The following CH25H variants were observed in gnomAD, a reference collection of about 807,000 sequenced individuals.
CH25H encodes the protein cholesterol 25-monooxygenase.
A neutral mutation model predicts 16.6 loss-of-function variants in CH25H; 10 were observed. The ratio of observed to expected loss-of-function variants is 0.60; its 90% CI spans 0.37 to 1.02. CH25H has a LOEUF of 1.02. CH25H is among the 50% of genes least tolerant of loss of function. CH25H has a pLI of 0.01. For synonymous variants in CH25H, 178 were observed against 158.8 expected (o/e 1.12, Z -0.91); for missense variants, 326 against 344.7 (o/e 0.95, Z 0.43).
Position 89,206,446 on chromosome 10 carries a change from A to G in CH25H, c.*28T>C. 6.4e-7 allele frequency: 1 copy of G among 1,557,544 alleles called. No individual in the cohort carries two copies. The highest frequency in any genetic ancestry group is 2.3e-5 in the East Asian group (1 of 43,574). ...AAGTGTGAAAGGCACAGCAGTCCCG[A>G]GTCTTAGGGGCACCCACCGCAGCCA... On this transcript the variant is annotated 3_prime_UTR_variant, in exon 1 of 1. Coordinates refer to ENST00000371852, the MANE Select transcript of CH25H (RefSeq NM_003956.4).
At position 89,205,987 on chromosome 10, in the gene CH25H, T is replaced by G. The variant is rs1281684642; in HGVS notation, c.*487A>C. ...TTTTTAAAGCACGAATAACATTTCT[T>G]TCAAAATAAATATACAGTTCTATAA... On this transcript the variant is annotated 3_prime_UTR_variant, in exon 1 of 1. Transcript: ENST00000371852. 1.3e-5 allele frequency: 2 copies of G among 153,118 alleles called. No individual in the cohort carries two copies. The highest frequency in any genetic ancestry group is 2.9e-5 in the Non-Finnish European group (2 of 68,654). The allele number at this position is 153,118 out of a possible 1,614,324, so 9.5% of individuals were successfully genotyped here.
Position 89,207,041 on chromosome 10 carries a change from C to T in CH25H, c.252G>A (p.Leu84=). ...HPDFSPSAQQ[L]LPCLGQTLYQ... ...AGAGGGTCTGCCCCAGGCAAGGTAGCAGCTGCTGCGCGGATGGCGAGAAGT... is the reference window on the plus strand; with the variant it reads ...AGAGGGTCTGCCCCAGGCAAGGTAGTAGCTGCTGCGCGGATGGCGAGAAGT... Residue 84 remains leucine, a synonymous_variant, in exon 1 of 1, where the codon CTG becomes CTA. Coordinates refer to ENST00000371852, the MANE Select transcript of CH25H (RefSeq NM_003956.4). 1 of 1,614,106 alleles carries T rather than the reference C, an allele frequency of 6.2e-7. No homozygotes were observed.
rs901319204 is a variant in CH25H, at chr10:89,206,344, T to C, written c.*130A>G. ...ACAAAAATGCATCAGATTTTATCTATGGTTTTCATAGATAAACATAAAGCA... is the reference window on the plus strand; with the variant it reads ...ACAAAAATGCATCAGATTTTATCTACGGTTTTCATAGATAAACATAAAGCA... On this transcript the variant is annotated 3_prime_UTR_variant, in exon 1 of 1. Transcript: ENST00000371852. 1.4e-6 allele frequency: 1 copy of C among 696,792 alleles called. No individual in the cohort carries two copies. Among genetic ancestry groups the C allele is most frequent in the South Asian group, 1.9e-5 (1 of 51,600 alleles). 43.2% of individuals were successfully genotyped at this position (696,792 alleles called of 1,614,324 possible).
rs1201568824 is a variant in CH25H at position 89,206,888 on chromosome 10, G to T, written c.405C>A (p.Phe135Leu). 1.2e-6 allele frequency: 2 copies of T among 1,614,120 alleles called. No homozygotes were observed. The highest frequency in any genetic ancestry group is 1.7e-6 in the Non-Finnish European group (2 of 1,180,054). ...LHHILFCLLL[F>L]DMEFFVWHLL... ...GGTGCCACACGAAGAACTCCATGTC[G>T]AAGAGTAGCAGGCAGAACAGGATGT... is the stretch of plus-strand genomic sequence containing the variant. Residue 135 changes from phenylalanine (F) to leucine (L), a missense_variant, in exon 1 of 1, where the codon TTC becomes TTA. Coordinates refer to ENST00000371852, the MANE Select transcript of CH25H (RefSeq NM_003956.4).
chr10:89,206,652 T>G lies in CH25H; in HGVS notation c.641A>C (p.Asp214Ala), dbSNP rs149719799. ...HVVNIWLSVE[D>A]HSGYNFPWST... ...CCAAGGGAAGTTGTAGCCGGAGTGG[T>G]CCTCCACGGAAAGCCAGATGTTGAC... Residue 214 changes from aspartate (D) to alanine (A), a missense_variant, in exon 1 of 1, where the codon GAC (aspartate) becomes GCC (alanine). Asp to Ala is a moderately radical substitution (Grantham distance 126, BLOSUM62 -2). Coordinates refer to ENST00000371852, the MANE Select transcript of CH25H (RefSeq NM_003956.4). The G allele has an allele frequency of 1.2e-6, 2 of 1,614,198 alleles. No homozygotes were observed. The highest frequency in any genetic ancestry group is 1.7e-6 in the Non-Finnish European group (2 of 1,180,038).
At position 89,206,743 on chromosome 10, in the gene CH25H, A is replaced by G; in HGVS notation, c.550T>C (p.Phe184Leu). The G allele has an allele frequency of 6.2e-7, 1 of 1,614,204 alleles. No homozygotes were observed. Among genetic ancestry groups the G allele is most frequent in the East Asian group, 2.2e-5 (1 of 44,892 alleles). Residue 184 changes from phenylalanine to leucine, a missense_variant, in exon 1 of 1, where the codon TTC becomes CTC. Transcript: ENST00000371852. Reference protein sequence around the residue: ...MSVWELFSLGFFDMMNVTLLG... With the variant: ...MSVWELFSLGLFDMMNVTLLG... ...AGTGTGACGTTCATCATGTCGAAGAAGCCCAAAGAAAACAGTTCCCAGACG... is the reference window on the plus strand; with the variant it reads ...AGTGTGACGTTCATCATGTCGAAGAGGCCCAAAGAAAACAGTTCCCAGACG...
chr10:89,205,792 T>G lies in CH25H; in HGVS notation c.*682A>C, dbSNP rs1842499797. 6.6e-6 allele frequency: 1 copy of G among 152,252 alleles called. No homozygotes were observed. The highest frequency in any genetic ancestry group is 2.4e-5 in the African/African-American group (1 of 41,438). The allele number at this position is 152,252 out of a possible 1,614,324, so 9.4% of individuals were successfully genotyped here. On this transcript the variant is annotated 3_prime_UTR_variant, in exon 1 of 1. Coordinates refer to ENST00000371852, the MANE Select transcript of CH25H (RefSeq NM_003956.4). ...GAGCCCCTTCTCCTGCCTCCTTTTC[T>G]CTAACAACCCCCAACAGAACACCCT...
Position 89,206,392 on chromosome 10 carries a change from AT to A in CH25H, c.*81del. ...GCAATAAGTTAGTTGCTTTAAAAAA[AT>A]ATATAGCTCAGGTGTTTCTCTTCAT... On this transcript the variant is annotated 3_prime_UTR_variant, in exon 1 of 1. Coordinates refer to ENST00000371852, the MANE Select transcript of CH25H (RefSeq NM_003956.4). 1 of 1,074,392 alleles carries A rather than the reference AT, an allele frequency of 9.3e-7. No individual in the cohort carries two copies. The highest frequency in any genetic ancestry group is 1.6e-5 in the South Asian group (1 of 63,308). The allele number at this position is 1,074,392 out of a possible 1,614,324, so 66.6% of individuals were successfully genotyped here.
In CH25H at chr10:89,207,070, G is replaced by A. The variant is rs1362613280; in HGVS notation, c.223C>T (p.Pro75Ser). The change falls in exon 1 of 1, where the codon CCT becomes TCT. Residue 75 changes from proline (P) to serine (S), a missense_variant. Physicochemically the swap from Pro to Ser is moderately conservative, Grantham distance 74. Transcript: ENST00000371852. ...VPALRRYKIH[P>S]DFSPSAQQLL... is the part of the protein sequence containing the mutation. ...TGCTGCGCGGATGGCGAGAAGTCAG[G>A]GTGGATCTTGTAGCGCCGCAGGGCG... is the stretch of plus-strand genomic sequence containing the variant. The A allele has an allele frequency of 1.2e-6, 2 of 1,613,898 alleles. No homozygotes were observed. Among genetic ancestry groups the A allele is most frequent in the African/African-American group, 2.7e-5 (2 of 74,940 alleles).
chr10:89,207,241 G>A lies in CH25H; in HGVS notation c.52C>T (p.Leu18=), dbSNP rs770397377. ...TGGTCCCAGAGGGGCTGCAGGAACA[G>A]CTGCCCGGAGCTGCAAAGGACCTGG... ...DPQVLCSSGQ[L]FLQPLWDHLR... is the part of the protein sequence containing the mutation. The change falls in exon 1 of 1, where the codon CTG becomes TTG. Residue 18 remains leucine, a synonymous_variant. Coordinates refer to ENST00000371852, the MANE Select transcript of CH25H (RefSeq NM_003956.4). 1.3e-5 allele frequency: 20 copies of A among 1,598,600 alleles called. No individual in the cohort carries two copies. The highest frequency in any genetic ancestry group is 1.6e-5 in the Non-Finnish European group (19 of 1,173,778).
In CH25H at chr10:89,206,160, T is replaced by G. The variant is rs1328519410; in HGVS notation, c.*314A>C. On this transcript the variant is annotated 3_prime_UTR_variant, in exon 1 of 1. Coordinates refer to ENST00000371852, the MANE Select transcript of CH25H (RefSeq NM_003956.4). Reference sequence around the variant, plus strand: ...CTTTGAAACATAGAAAATTCCTTATTCTACAAACAAGTCCTTTTAGAGATA... The same window carrying G: ...CTTTGAAACATAGAAAATTCCTTATGCTACAAACAAGTCCTTTTAGAGATA... 1 of 266,278 alleles carries G rather than the reference T, an allele frequency of 3.8e-6. No homozygotes were observed. The allele number at this position is 266,278 out of a possible 1,614,324, so 16.5% of individuals were successfully genotyped here.
chr10:89,207,162 GAGA>G lies in CH25H; in HGVS notation c.128_130del (p.Phe43del). 6.2e-7 allele frequency: 1 copy of G among 1,612,802 alleles called. No individual in the cohort carries two copies. The highest frequency in any genetic ancestry group is 8.5e-7 in the Non-Finnish European group (1 of 1,179,398). ...GCAAAAGCCCACGTATGTGGTGATGGAGAAGATGACCGGGAAGAAGGGCGACTG... is the reference window on the plus strand; with the variant it reads ...GCAAAAGCCCACGTATGTGGTGATGGAGATGACCGGGAAGAAGGGCGACTG... On this transcript the variant is annotated inframe_deletion, in exon 1 of 1. Coordinates refer to ENST00000371852, the MANE Select transcript of CH25H (RefSeq NM_003956.4).
rs768388539 is a variant in CH25H at position 89,206,846 on chromosome 10, C to A, written c.447G>T (p.Val149=). The A allele has an allele frequency of 5.6e-6, 9 of 1,614,232 alleles. No individual in the cohort carries two copies. The South Asian group carries it at 9.9e-5, about 18-fold the overall frequency. ...TGTGGAAGGTGCGGTACAGCCAGGG[C>A]ACCTTGTGGTGCAGCAGGTGCCACA... ...FFVWHLLHHK[V]PWLYRTFHKV... The change falls in exon 1 of 1, where the codon GTG becomes GTT. Residue 149 remains valine (V), a synonymous_variant. Transcript: ENST00000371852.
rs746995095 is a variant in CH25H, at chr10:89,206,952, A to G, written c.341T>C (p.Leu114Pro). 6.2e-7 allele frequency: 1 copy of G among 1,614,208 alleles called. No homozygotes were observed. The highest frequency in any genetic ancestry group is 8.5e-7 in the Non-Finnish European group (1 of 1,180,028). The change falls in exon 1 of 1, where the codon CTG (leucine) becomes CCG (proline). Residue 114 changes from leucine (L) to proline (P), a missense_variant. Leu to Pro is a moderately conservative substitution (Grantham distance 98). Transcript: ENST00000371852. ...GAGCAGCTCGGGAGCTTCGTGGGGCAGGAGGGCCGGGCTGCGGGCCCAATG... is the reference window on the plus strand; with the variant it reads ...GAGCAGCTCGGGAGCTTCGTGGGGCGGGAGGGCCGGGCTGCGGGCCCAATG... ...LLHWARSPALLPHEAPELLLL... is the reference protein window; with the variant it reads ...LLHWARSPALPPHEAPELLLL...
chr10:89,206,651 G>T lies in CH25H; in HGVS notation c.642C>A (p.Asp214Glu). Residue 214 changes from aspartate to glutamate, a missense_variant, in exon 1 of 1, where the codon GAC becomes GAA. Coordinates refer to ENST00000371852, the MANE Select transcript of CH25H (RefSeq NM_003956.4). ...ACCAAGGGAAGTTGTAGCCGGAGTG[G>T]TCCTCCACGGAAAGCCAGATGTTGA... is the stretch of plus-strand genomic sequence containing the variant. Reference protein sequence around the residue: ...HVVNIWLSVEDHSGYNFPWST... With the variant: ...HVVNIWLSVEEHSGYNFPWST... The T allele has an allele frequency of 1.2e-6, 2 of 1,614,268 alleles. No homozygotes were observed. Among genetic ancestry groups the T allele is most frequent in the Non-Finnish European group, 1.7e-6 (2 of 1,180,050 alleles).
Position 89,207,087 on chromosome 10 carries a change from C to T in CH25H, c.206G>A (p.Arg69Gln). Residue 69 changes from arginine (R) to glutamine (Q), a missense_variant, in exon 1 of 1, where the codon CGG (arginine) becomes CAG (glutamine). By Grantham distance (43) the Arg-to-Gln change is conservative. Coordinates refer to ENST00000371852, the MANE Select transcript of CH25H (RefSeq NM_003956.4). ...DILCSWVPAL[R>Q]RYKIHPDFSP... ...GAAGTCAGGGTGGATCTTGTAGCGC[C>T]GCAGGGCGGGCACCCAGGAGCACAG... is the stretch of plus-strand genomic sequence containing the variant. The T allele has an allele frequency of 6.2e-7, 1 of 1,613,918 alleles. No individual in the cohort carries two copies. The highest frequency in any genetic ancestry group is 8.5e-7 in the Non-Finnish European group (1 of 1,179,932).
chr10:89,206,588 AC>A lies in CH25H; in HGVS notation c.704del (p.Gly235ValfsTer57). 6.2e-7 allele frequency: 1 copy of A among 1,613,988 alleles called. No individual in the cohort carries two copies. The highest frequency in any genetic ancestry group is 8.5e-7 in the Non-Finnish European group (1 of 1,179,948). On this transcript the variant is annotated frameshift_variant, in exon 1 of 1. Coordinates refer to ENST00000371852, the MANE Select transcript of CH25H (RefSeq NM_003956.4). LOFTEE classifies it high-confidence loss of function. Reference protein sequence around the residue: ...HRLVPFGWYGGVVHHDLHHSH... With the variant: ...HRLVPFGWYGXVVHHDLHHSH... ...AGTGATGCAGGTCGTGGTGCACCAC[AC>A]CCCCGTACCACCCGAAGGGCACCAG...
chr10:89,205,934 T>C lies in CH25H; in HGVS notation c.*540A>G, dbSNP rs3802658. 22,304 of 153,758 alleles carry C rather than the reference T, an allele frequency of 0.15. 3,195 individuals carry two copies. The highest frequency in any genetic ancestry group is 0.76 in the East Asian group (3,957 of 5,192). 9.5% of individuals were successfully genotyped at this position (153,758 alleles called of 1,614,324 possible). A position where few individuals can be genotyped will look rare whatever the true frequency, so the allele number is the denominator to read the frequency against. On this transcript the variant is annotated 3_prime_UTR_variant, in exon 1 of 1. Coordinates refer to ENST00000371852, the MANE Select transcript of CH25H (RefSeq NM_003956.4). ...AAAATACCAGTGAAACGGAAGTCAA[T>C]ACTTATTTGATTCATGGTTTTTTTT... is the stretch of plus-strand genomic sequence containing the variant.
chr10:89,207,313 C>A lies in CH25H; in HGVS notation c.-21G>T, dbSNP rs781531096. 1 of 1,528,418 alleles carries A rather than the reference C, an allele frequency of 6.5e-7. No homozygotes were observed. 94.7% of individuals were successfully genotyped at this position (1,528,418 alleles called of 1,614,324 possible). Reference sequence around the variant, plus strand: ...CTCATTGCGAGGCTGTGCAAGGCAGCTGAGGCTGCTGCTCGAGTCCCATCG... The same window carrying A: ...CTCATTGCGAGGCTGTGCAAGGCAGATGAGGCTGCTGCTCGAGTCCCATCG... On this transcript the variant is annotated 5_prime_UTR_variant, in exon 1 of 1. Transcript: ENST00000371852.
Sources: allele counts gnomAD v4.1 joint callset, GRCh38; gene constraint gnomAD v4.1.1; transcripts MANE v1.5; gene names NCBI Gene and HGNC (gene_info 2026-07-23, HGNC 2026-07-21).